PREX1: variants seen among roughly 807,000 people sequenced by gnomAD.
The protein encoded by PREX1 is phosphatidylinositol-3,4,5-trisphosphate dependent Rac exchange factor 1.
In PREX1, 41 loss-of-function variants were observed where a neutral mutation model predicts 198.3. The ratio of observed to expected loss-of-function variants is 0.21; its 90% CI spans 0.16 to 0.27. The LOEUF (loss-of-function observed/expected upper bound fraction) is 0.27. PREX1 is among the 10% of genes least tolerant of loss of function. The pLI, the probability that PREX1 is intolerant of heterozygous loss-of-function variation, is 1.00. For synonymous variants in PREX1, 843 were observed against 887.2 expected (o/e 0.95, Z 0.89); for missense variants, 1,620 against 2,200.7 (o/e 0.74, Z 5.28).
intron 32 of PREX1, among the ~76,000 whole-genome samples, chr20:48,635,131 T>C (rs2089352238): frequency 6.6e-6 from 1 of 152,190 alleles, no homozygotes; most frequent in African/African-American, 2.4e-5. Context: ...CGGTCCCATG[T>C]CAGCAAATAG....
intron 1 of PREX1, among the ~76,000 whole-genome samples, chr20:48,781,303 T>A (rs2090288808): frequency 6.6e-6 from 1 of 152,340 alleles, no homozygotes; most frequent in Admixed American, 6.5e-5. Context: ...ACTACAGTAA[T>A]ATAAAATGTC....
At chr20:48,870,117 G>C in the PREX1 span, among the ~76,000 whole-genome samples, 6 of 152,076 alleles carry the variant, frequency 3.9e-5, no homozygotes. Context: ...TAGAATTTCT[G>C]TATGTGCATT....
intron 5 of PREX1, among the ~76,000 whole-genome samples, chr20:48,714,523 C>T (rs937576724): frequency 6.6e-6 from 1 of 152,164 alleles, no homozygotes; most frequent in Admixed American, 6.5e-5. Flanking sequence ...AGATGTTCAA[C>T]ATCATGTGGG....
At chr20:48,690,520 T>G (rs1056591484) in intron 9 of PREX1, among the ~76,000 whole-genome samples, 15 of 145,324 alleles carry the variant, frequency 1.0e-4, no homozygotes, top group South Asian at 2.4e-4. Flanking sequence ...GCCCCTGCAC[T>G]TCCTCATGTG....
At chr20:48,692,480 C>T in intron 8 of PREX1, 192 bp downstream of exon 8, 1 of 511,520 alleles carries the variant, frequency 2.0e-6, no homozygotes, top group Non-Finnish European at 3.5e-6. Flanking sequence ...ATTTGGGGTG[C>T]AGTGTTTTAT....
chr20:48,734,643 T>C lies in PREX1; in HGVS notation c.422A>G (p.Lys141Arg). 1 of 1,613,878 alleles carries C rather than the reference T, an allele frequency of 6.2e-7. No individual in the cohort carries two copies. Among genetic ancestry groups the C allele is most frequent in the South Asian group, 1.1e-5 (1 of 91,074 alleles). Residue 141 changes from lysine (K) to arginine (R), a missense_variant, in exon 4 of 40, where the codon AAG becomes AGG. Lys to Arg is a conservative substitution (Grantham distance 26). This residue lies in a region of PREX1 where 488 missense variants were observed against 802.5 expected (regional missense o/e 0.61). Transcript: ENST00000371941. ...LGNVFLKFKD[K>R]FCVYEEYCSN... Reference sequence around the variant, plus strand: ...GCAATACTCCTCGTACACGCAGAACTTGTCCTTCTGCAAGACAAGGACAGA... The same window carrying C: ...GCAATACTCCTCGTACACGCAGAACCTGTCCTTCTGCAAGACAAGGACAGA...
chr20:48,669,866 C>T (rs930615981), intron 14 of PREX1, among the ~76,000 whole-genome samples: 3 of 152,074 alleles, frequency 2.0e-5, no homozygotes, highest in South Asian at 4.1e-4. Context: ...GGTGGAGAGA[C>T]GGAGTAATGG....
chr20:48,819,476 G>A (rs148826236), intron 1 of PREX1, among the ~76,000 whole-genome samples: 8 of 152,142 alleles, frequency 5.3e-5, no homozygotes, highest in Admixed American at 2.0e-4. Flanking sequence ...AAGTAGATGC[G>A]ACCATCCCTG....
intron 5 of PREX1, among the ~76,000 whole-genome samples, chr20:48,725,139 A>T (rs2090003991): frequency 6.6e-6 from 1 of 152,192 alleles, no homozygotes; most frequent in Non-Finnish European, 1.5e-5. Context: ...ACCAAGATGA[A>T]GAATGCCCTG....
chr20:48,818,331 C>T (rs1343259045), intron 1 of PREX1, among the ~76,000 whole-genome samples: 3 of 152,186 alleles, frequency 2.0e-5, no homozygotes, highest in Non-Finnish European at 4.4e-5. Flanking sequence ...TTTGTGAATT[C>T]ACATCTCAGT....
intron 5 of PREX1, among the ~76,000 whole-genome samples, chr20:48,717,158 A>G (rs8123156): frequency 3.3e-4 from 51 of 152,346 alleles, no homozygotes; most frequent in African/African-American, 1.1e-3. Context: ...AAGATGTGAT[A>G]ATACCCACCA....
At chr20:48,694,381 C>T (rs1476224505) in intron 7 of PREX1, among the ~76,000 whole-genome samples, 8 of 152,192 alleles carry the variant, frequency 5.3e-5, no homozygotes, top group Admixed American at 2.0e-4. Context: ...ATGTGGAGAA[C>T]GCCTACTATG....
In PREX1 at chr20:48,632,346, G is replaced by A. The variant is rs755997164; in HGVS notation, c.4457C>T (p.Ala1486Val). ...EGLPSPGSQA[A>V]EDLQQDINAQ... ...GTTGATGTCCTGCTGCAAATCCTCC[G>A]CGGCCTGGCTGCCTGGAGAAGGCAG... The change falls in exon 35 of 40, where the codon GCG (alanine) becomes GTG (valine). Residue 1486 changes from alanine (A) to valine (V), a missense_variant. Coordinates refer to ENST00000371941, the MANE Select transcript of PREX1 (RefSeq NM_020820.4). The A allele has an allele frequency of 2.6e-5, 42 of 1,613,906 alleles. No individual in the cohort carries two copies. The highest frequency in any genetic ancestry group is 3.2e-5 in the Non-Finnish European group (38 of 1,180,024).
rs1424468432 is a variant in PREX1 at position 48,823,466 on chromosome 20, C to T, written c.219+4176G>A. Among the ~76,000 whole-genome samples, 4 of 152,202 alleles carry T rather than the reference C, an allele frequency of 2.6e-5. No homozygotes were observed. In the East Asian group the frequency reaches 5.8e-4, roughly 22 times the overall value. ...TGTGCCCGTTGGACAGATGTGGAAA[C>T]TGAGGCACAGAGCAAGTCAGTGATC... On this transcript the variant is annotated intron_variant, in intron 1 of 39. Transcript: ENST00000371941.
chr20:48,636,706 C>G, intron 31 of PREX1, 23 bp from the exon 32 acceptor site: 4 of 1,572,588 alleles, frequency 2.5e-6, no homozygotes, highest in Non-Finnish European at 3.5e-6. Context: ...GGCAGGAGGC[C>G]TTGCTGGAGG....
intron 5 of PREX1, among the ~76,000 whole-genome samples, chr20:48,719,415 G>C (rs1316897706): frequency 2.0e-5 from 3 of 152,158 alleles, no homozygotes; most frequent in African/African-American, 7.2e-5. Context: ...CTGTGGGCGA[G>C]GTGTTGGTGC....
At chr20:48,663,706 C>G (rs2089613465) in intron 15 of PREX1, among the ~76,000 whole-genome samples, 1 of 152,214 alleles carries the variant, frequency 6.6e-6, no homozygotes, top group African/African-American at 2.4e-5. Context: ...AAGCCAATAT[C>G]AGAAAGGAGA....
intron 1 of PREX1, among the ~76,000 whole-genome samples, chr20:48,799,369 G>C (rs1410030602): frequency 6.6e-6 from 1 of 152,136 alleles, no homozygotes; most frequent in Non-Finnish European, 1.5e-5. Flanking sequence ...CATGCAGACA[G>C]GCCTGGAAGA....
chr20:48,710,060 C>T (rs915453488), intron 5 of PREX1, among the ~76,000 whole-genome samples: 1 of 152,202 alleles, frequency 6.6e-6, no homozygotes, highest in African/African-American at 2.4e-5. Context: ...AGATGGAGCC[C>T]TGCTCTTCCT....
Sources: gnomAD v4.1 joint callset for allele counts (sites outside exome capture counted in the v4.1 genomes callset) on GRCh38, gnomAD v4.1.1 for gene constraint, gnomAD v4.1.1 regional missense constraint, MANE v1.5 for transcripts, NCBI Gene and HGNC (gene_info 2026-07-23, HGNC 2026-07-21) for gene names.